CTCF: variants seen among roughly 807,000 people sequenced by gnomAD.
The protein encoded by CTCF is CCCTC-binding factor.
In CTCF, 7 loss-of-function variants were observed where a neutral mutation model predicts 72.3. The ratio of observed to expected loss-of-function variants is 0.10; its 90% CI spans 0.06 to 0.18. CTCF has a LOEUF of 0.18. Ranked by LOEUF, CTCF falls within the 10% of genes least tolerant of loss-of-function variation. The pLI, the probability that CTCF is intolerant of heterozygous loss-of-function variation, is 1.00. For missense variants in CTCF, 516 were observed against 949.1 expected (o/e 0.54, Z 6.00); for synonymous variants, 374 against 315.8 (o/e 1.18, Z -1.95).
chr16:67,610,393 C>A (rs1042432909), intron 2 of CTCF, among the ~76,000 whole-genome samples: 11 of 147,788 alleles, frequency 7.4e-5, no homozygotes, highest in African/African-American at 2.7e-4. Context: ...TGCTCTGTCC[C>A]CCACGCTGGA....
Position 67,567,171 on chromosome 16 carries a change from A to G in CTCF, c.-126-3977A>G, listed in dbSNP as rs908662582. 5.9e-5 allele frequency among the ~76,000 whole-genome samples: 9 copies of G among 152,240 alleles called. No individual in the cohort carries two copies. The South Asian group carries it at 1.9e-3, about 32-fold the overall frequency. ...TTTTAAACACCTGTAAACTTTCTGT[A>G]GTCTGTCTTCGTATCTTTCCTGCTA... On this transcript the variant is annotated intron_variant, in intron 1 of 11. Coordinates refer to ENST00000264010, the MANE Select transcript of CTCF (RefSeq NM_006565.4).
chr16:67,593,109 A>G (rs1230402025), intron 2 of CTCF, among the ~76,000 whole-genome samples: 1 of 149,432 alleles, frequency 6.7e-6, no homozygotes, highest in African/African-American at 2.4e-5. Flanking sequence ...TTATATTTTA[A>G]TATATGGTTT....
At chr16:67,620,081 A>G (rs2052182283) in intron 5 of CTCF, among the ~76,000 whole-genome samples, 1 of 152,222 alleles carries the variant, frequency 6.6e-6, no homozygotes, top group African/African-American at 2.4e-5. Flanking sequence ...ATTTGGAACA[A>G]ATTGATCTGT....
chr16:67,601,337 G>GTT (rs1164496632), intron 2 of CTCF, among the ~76,000 whole-genome samples: 6 of 118,422 alleles, frequency 5.1e-5, no homozygotes, highest in African/African-American at 1.3e-4. Flanking sequence ...GTGTGTGTGT[G>GTT]TTTTGTTTTG....
At chr16:67,624,877 A>G (rs1015537335) in intron 7 of CTCF, among the ~76,000 whole-genome samples, 1 of 151,822 alleles carries the variant, frequency 6.6e-6, no homozygotes, top group Non-Finnish European at 1.5e-5. Flanking sequence ...TACAGGTGTG[A>G]GCCACCACAC....
chr16:67,591,611 T>C (rs938879023), intron 2 of CTCF, among the ~76,000 whole-genome samples: 1 of 152,212 alleles, frequency 6.6e-6, no homozygotes, highest in Non-Finnish European at 1.5e-5. Context: ...TAAACCTAGC[T>C]TTTACTCTAA....
intron 2 of CTCF, among the ~76,000 whole-genome samples, chr16:67,608,599 T>C (rs1261244590): frequency 6.6e-6 from 1 of 152,176 alleles, no homozygotes; most frequent in African/African-American, 2.4e-5. Flanking sequence ...GAGTAAGTTC[T>C]AGAGATCTGC....
rs751064326 is a variant in CTCF at position 67,611,219 on chromosome 16, T to A, written c.387T>A (p.Thr129=). The A allele has an allele frequency of 6.2e-7, 1 of 1,614,164 alleles. No individual in the cohort carries two copies. Among genetic ancestry groups the A allele is most frequent in the South Asian group, 1.1e-5 (1 of 91,084 alleles). ...CTGTGACTGTACCTGTTGCTACCAC[T>A]TCAGTAGAAGAACTTCAGGGGGCTT... is the stretch of plus-strand genomic sequence containing the variant. ...PVPVTVPVAT[T]SVEELQGAYE... is the part of the protein sequence containing the mutation. Residue 129 remains threonine, a synonymous_variant, in exon 3 of 12, where the codon ACT becomes ACA. Coordinates refer to ENST00000264010, the MANE Select transcript of CTCF (RefSeq NM_006565.4).
intron 2 of CTCF, among the ~76,000 whole-genome samples, chr16:67,608,106 C>T (rs896506666): frequency 6.6e-6 from 1 of 150,896 alleles, no homozygotes; most frequent in African/African-American, 2.4e-5. Flanking sequence ...AGGCGGATCA[C>T]GAGGTCAGGA....
intron 7 of CTCF, 69 bp downstream of exon 7, chr16:67,621,660 CAA>C (rs2052200162): frequency 4.4e-6 from 5 of 1,132,800 alleles, no homozygotes; most frequent in Non-Finnish European, 5.0e-6. Flanking sequence ...ATATGGGGAT[CAA>C]AAATAACTTC....
intron 2 of CTCF, among the ~76,000 whole-genome samples, chr16:67,599,281 G>C (rs1202664824): frequency 6.6e-6 from 1 of 152,222 alleles, no homozygotes; most frequent in Non-Finnish European, 1.5e-5. Flanking sequence ...GGTAGTCCCA[G>C]CTGCTCAGGA....
In CTCF at chr16:67,601,455, C is replaced by T. The variant is rs1026232751; in HGVS notation, c.-9-9369C>T. On this transcript the variant is annotated intron_variant, in intron 2 of 11. Transcript: ENST00000264010. ...TCGGGTTCATGCCATTCTCCCACCT[C>T]AGCCTTCCCAGTAGCTGGGACTACA... Among the ~76,000 whole-genome samples, 9 of 151,804 alleles carry T rather than the reference C, an allele frequency of 5.9e-5. No homozygotes were observed. The East Asian group carries it at 1.2e-3, about 20-fold the overall frequency.
intron 1 of CTCF, chr16:67,568,282 G>T (rs1288583802): frequency 4.6e-5 from 7 of 151,954 alleles, no homozygotes; most frequent in African/African-American, 1.2e-4. Context: ...GTTTCACCAT[G>T]TTGGCCAGGC....
rs766362012 is a variant in CTCF, at chr16:67,631,154, G to GTTTTTTTT, written c.1837+1624_1837+1631dup. Among the ~76,000 whole-genome samples, 78 of 124,994 alleles carry GTTTTTTTT rather than the reference G, an allele frequency of 6.2e-4. 6 individuals carry two copies. Among genetic ancestry groups the GTTTTTTTT allele is most frequent in the African/African-American group, 1.7e-3 (52 of 29,780 alleles). 82.0% of individuals were successfully genotyped at this position (124,994 alleles called of 152,430 possible). A position where few individuals can be genotyped will look rare whatever the true frequency, so the allele number is the denominator to read the frequency against. On this transcript the variant is annotated intron_variant, in intron 10 of 11. Coordinates refer to ENST00000264010, the MANE Select transcript of CTCF (RefSeq NM_006565.4). ...ATTGGGCTTTTTTTGTTCTTTGTTT[G>GTTTTTTTT]TTTTTTTTTTGTTTTTTGTTTTTTT...
chr16:67,582,720 C>A (rs1168513641), intron 2 of CTCF, among the ~76,000 whole-genome samples: 1 of 151,880 alleles, frequency 6.6e-6, no homozygotes, highest in Non-Finnish European at 1.5e-5. Context: ...AAAATATGAA[C>A]ATTGACTCTG....
chr16:67,628,519 C>T lies in CTCF; in HGVS notation c.1668C>T (p.Val556=). Residue 556 remains valine, a synonymous_variant, in exon 9 of 12, where the codon GTC becomes GTT. Coordinates refer to ENST00000264010, the MANE Select transcript of CTCF (RefSeq NM_006565.4). ...CCAACTTCGTCCCTGCGGCTTTTGTCTGTTCTAAGTGTGGGAAAACATTTA... is the reference window on the plus strand; with the variant it reads ...CCAACTTCGTCCCTGCGGCTTTTGTTTGTTCTAAGTGTGGGAAAACATTTA... The part of the protein sequence containing the change: ...HDPNFVPAAF[V]CSKCGKTFTR... The T allele has an allele frequency of 6.2e-7, 1 of 1,614,228 alleles. No individual in the cohort carries two copies. Among genetic ancestry groups the T allele is most frequent in the Non-Finnish European group, 8.5e-7 (1 of 1,180,052 alleles).
rs1218351487 is a variant in CTCF, at chr16:67,638,289, GTTT to G, written c.*421_*423del. On this transcript the variant is annotated 3_prime_UTR_variant, in exon 12 of 12. Transcript: ENST00000264010. ...TGGGAAGGACTTAGAGTTTTAAACT[GTTT>G]TTTGCTTTTGCTTTTCCCTGACTCC... The G allele has an allele frequency of 1.7e-5, 4 of 235,446 alleles. No individual in the cohort carries two copies. The highest frequency in any genetic ancestry group is 3.3e-5 in the Non-Finnish European group (4 of 119,988). 14.6% of individuals were successfully genotyped at this position (235,446 alleles called of 1,614,324 possible). A position where few individuals can be genotyped will look rare whatever the true frequency, so the allele number is the denominator to read the frequency against.
At chr16:67,614,757 G>A (rs2052109553) in intron 4 of CTCF, 1 of 152,426 alleles carries the variant, frequency 6.6e-6, no homozygotes. Flanking sequence ...TGAGGCAGGA[G>A]AATCACTTAA....
intron 1 of CTCF, chr16:67,568,102 A>G (rs989043781): frequency 7.3e-5 from 11 of 150,408 alleles, no homozygotes; most frequent in African/African-American, 2.2e-4. Context: ...ATTTTTTAAG[A>G]TGGAGTTCAC....
Sources: allele counts gnomAD v4.1 joint callset (sites outside exome capture counted in the v4.1 genomes callset), GRCh38; gene constraint gnomAD v4.1.1; transcripts MANE v1.5; gene names NCBI Gene and HGNC (gene_info 2026-07-23, HGNC 2026-07-21).